Variants in TMEM51 observed in about 807,000 individuals in gnomAD.
TMEM51 encodes transmembrane protein 51, also known as chromosome 1 open reading frame 72.
TMEM51 carries 8 observed loss-of-function variants against 13.6 expected under a neutral mutation model. That is an observed-to-expected ratio of 0.59 (90% CI 0.35 to 1.07). TMEM51 has a LOEUF of 1.07. TMEM51 is among the 50% of genes least tolerant of loss of function. The pLI, the probability that TMEM51 is intolerant of heterozygous loss-of-function variation, is 0.02. For synonymous variants in TMEM51, 147 were observed against 144.4 expected, an observed-to-expected ratio of 1.02 and a Z score of -0.13; for missense variants, 279 against 330.7, an observed-to-expected ratio of 0.84 and a Z score of 1.21.
At chr1:15,170,510 A>G (rs529886156) in intron 1 of TMEM51, among the ~76,000 whole-genome samples, 21 of 151,070 alleles carry the variant, frequency 1.4e-4, no homozygotes, top group African/African-American at 4.9e-4. Flanking sequence ...GGGTTTTGCC[A>G]TGTTGCCCAG....
intron 1 of TMEM51, among the ~76,000 whole-genome samples, chr1:15,204,186 G>A (rs10927719): frequency 0.04 from 6,104 of 152,280 alleles, 397 homozygotes; most frequent in African/African-American, 0.14. Flanking sequence ...AGGCAGCAAC[G>A]TGGGACAGGC....
intron 1 of TMEM51, among the ~76,000 whole-genome samples, chr1:15,162,482 G>A (rs1642816276): frequency 3.9e-5 from 6 of 152,160 alleles, no homozygotes; most frequent in Non-Finnish European, 7.4e-5. Context: ...ATTTCAACAT[G>A]AGATTTGGAG....
rs758198929 is a variant in TMEM51, at chr1:15,215,138, C to T, written c.51C>T (p.Ile17=). ...ANGSHYALTA[I]GLGMLVLGVI... ...GCTCGCACTATGCGCTGACCGCCAT[C>T]GGCCTGGGGATGCTGGTCCTTGGGG... Residue 17 remains isoleucine (I), a synonymous_variant, in exon 3 of 4, where the codon ATC becomes ATT. Transcript: ENST00000376008. 6.2e-7 allele frequency: 1 copy of T among 1,614,004 alleles called. No individual in the cohort carries two copies. The highest frequency in any genetic ancestry group is 8.5e-7 in the Non-Finnish European group (1 of 1,180,050).
chr1:15,181,401 T>A (rs1381122713), intron 1 of TMEM51, among the ~76,000 whole-genome samples: 1 of 152,214 alleles, frequency 6.6e-6, no homozygotes, highest in African/African-American at 2.4e-5. Flanking sequence ...AGCCTCCAGG[T>A]GGCATGTGGC....
intron 1 of TMEM51, among the ~76,000 whole-genome samples, chr1:15,172,650 A>G (rs1266259753): frequency 6.6e-6 from 1 of 152,230 alleles, no homozygotes; most frequent in Non-Finnish European, 1.5e-5. Flanking sequence ...ATTGTCTACA[A>G]GAGTTCCTCC....
At chr1:15,210,413 T>G (rs1484788345) in intron 1 of TMEM51, 77 bp from the exon 2 acceptor site, 1 of 152,162 alleles carries the variant, frequency 6.6e-6, no homozygotes, top group Admixed American at 6.5e-5. Context: ...AGAAAACACA[T>G]GGCTCCCCAA....
Position 15,220,472 on chromosome 1 carries a change from T to C in TMEM51, c.*729T>C, listed in dbSNP as rs1363561682. On this transcript the variant is annotated 3_prime_UTR_variant, in exon 4 of 4. Coordinates refer to ENST00000376008, the MANE Select transcript of TMEM51 (RefSeq NM_001136218.2). The stretch of plus-strand genomic sequence containing the variant: ...GCTTTTTGTAATAAAATATTTTATA[T>C]GTAGTACATTTGGGTGCTGAGTTAC... The C allele has an allele frequency of 6.6e-6, 1 of 152,210 alleles. No homozygotes were observed. Among genetic ancestry groups the C allele is most frequent in the Non-Finnish European group, 1.5e-5 (1 of 68,034 alleles). 9.4% of individuals were successfully genotyped at this position (152,210 alleles called of 1,614,324 possible). A position where few individuals can be genotyped will look rare whatever the true frequency, so the allele number is the denominator to read the frequency against.
chr1:15,188,973 G>A (rs1156445556), intron 1 of TMEM51, among the ~76,000 whole-genome samples: 1 of 152,124 alleles, frequency 6.6e-6, no homozygotes, highest in Admixed American at 6.5e-5. Context: ...ACCCTTACTG[G>A]GCAGTACCAT....
Position 15,190,138 on chromosome 1 carries a change from G to A in TMEM51, c.-266-20352G>A, listed in dbSNP as rs141167944. ...GGGCTTGGGGGCAGGTGAGAGACGG[G>A]ATTTTAGAGGGGTTCAGAGGATGGA... On this transcript the variant is annotated intron_variant, in intron 1 of 3. Transcript: ENST00000376008. Among the ~76,000 whole-genome samples the A allele has an allele frequency of 3.9e-5, 6 of 152,290 alleles. No individual in the cohort carries two copies. The South Asian group carries it at 1.0e-3, about 26-fold the overall frequency.
At chr1:15,159,535 C>A (rs939567558) in intron 1 of TMEM51, among the ~76,000 whole-genome samples, 1 of 152,140 alleles carries the variant, frequency 6.6e-6, no homozygotes, top group Non-Finnish European at 1.5e-5. Flanking sequence ...GAGTTAATAA[C>A]CCTGTTCTGG....
intron 1 of TMEM51, chr1:15,192,113 C>G: frequency 2.1e-6 from 1 of 472,962 alleles, no homozygotes; most frequent in Non-Finnish European, 4.3e-6. Context: ...TCATTTCTGA[C>G]CAGCTGTCCG....
chr1:15,216,112 A>G (rs570945228), intron 3 of TMEM51, among the ~76,000 whole-genome samples: 38 of 152,262 alleles, frequency 2.5e-4, no homozygotes, highest in Non-Finnish European at 4.1e-4. Flanking sequence ...TAAGTGAACC[A>G]GCATTTTGAC....
rs577834710 is a variant in TMEM51 at position 15,215,132 on chromosome 1, C to T, written c.45C>T (p.Thr15=). 62 of 1,613,970 alleles carry T rather than the reference C, an allele frequency of 3.8e-5. No homozygotes were observed. The highest frequency in any genetic ancestry group is 2.4e-4 in the African/African-American group (18 of 74,956). ...CCAATGGCTCGCACTATGCGCTGAC[C>T]GCCATCGGCCTGGGGATGCTGGTCC... is the stretch of plus-strand genomic sequence containing the variant. ...SKANGSHYAL[T]AIGLGMLVLG... Residue 15 remains threonine (T), a synonymous_variant, in exon 3 of 4, where the codon ACC becomes ACT. Coordinates refer to ENST00000376008, the MANE Select transcript of TMEM51 (RefSeq NM_001136218.2).
At chr1:15,204,345 G>A (rs2100323726) in intron 1 of TMEM51, among the ~76,000 whole-genome samples, 1 of 152,360 alleles carries the variant, frequency 6.6e-6, no homozygotes, top group East Asian at 1.9e-4. Flanking sequence ...CCTGAGGTCA[G>A]GAGTTTAAGA....
intron 1 of TMEM51, among the ~76,000 whole-genome samples, chr1:15,178,120 C>T (rs1367958751): frequency 9.5e-6 from 1 of 105,268 alleles, no homozygotes; most frequent in Non-Finnish European, 2.1e-5. Flanking sequence ...TGAGTTGACC[C>T]ATCAGGCCAC....
intron 1 of TMEM51, among the ~76,000 whole-genome samples, chr1:15,164,110 G>GT (rs1557831402): frequency 6.6e-6 from 1 of 151,960 alleles, no homozygotes; most frequent in Non-Finnish European, 1.5e-5. Context: ...GATTACAGGC[G>GT]TGAGCCACCA....
At position 15,219,667 on chromosome 1, in the gene TMEM51, C is replaced by T. The variant is rs768406201; in HGVS notation, c.686C>T (p.Ser229Leu). ...CCAGACAAAAACGTCCCTCCTCCCT[C>T]GATAGAGCCTTTGACTCCTCCACCG... ...NLPDKNVPPPSIEPLTPPPQY... is the reference protein window; with the variant it reads ...NLPDKNVPPPLIEPLTPPPQY... The change falls in exon 4 of 4, where the codon TCG (serine) becomes TTG (leucine). Residue 229 changes from serine (S) to leucine (L), a missense_variant. Ser to Leu is a moderately radical substitution (Grantham distance 145, BLOSUM62 -2). Coordinates refer to ENST00000376008, the MANE Select transcript of TMEM51 (RefSeq NM_001136218.2). 5.6e-6 allele frequency: 9 copies of T among 1,613,850 alleles called. No individual in the cohort carries two copies. In the African/African-American group the frequency reaches 8.0e-5, roughly 14 times the overall value.
At chr1:15,212,735 C>T (rs1159691219) in intron 2 of TMEM51, among the ~76,000 whole-genome samples, 1 of 152,246 alleles carries the variant, frequency 6.6e-6, no homozygotes, top group Non-Finnish European at 1.5e-5. Flanking sequence ...GGTCCTACCG[C>T]AGCTGTCTGC....
chr1:15,211,113 T>G (rs909874464), intron 2 of TMEM51, among the ~76,000 whole-genome samples: 1 of 152,240 alleles, frequency 6.6e-6, no homozygotes, highest in Admixed American at 6.5e-5. Context: ...TCATGGTGAA[T>G]CCCATCACAC....
Sources: allele counts gnomAD v4.1 joint callset (sites outside exome capture counted in the v4.1 genomes callset), GRCh38; gene constraint gnomAD v4.1.1; transcripts MANE v1.5; gene names NCBI Gene and HGNC (gene_info 2026-07-23, HGNC 2026-07-21).